The following EDEM3 variants were observed in gnomAD, a reference collection of about 807,000 sequenced individuals.
EDEM3 encodes the protein ER degradation enhancing alpha-mannosidase like protein 3.
Under a neutral mutation model 110.2 loss-of-function variants are expected in EDEM3, and 60 were observed. The observed-to-expected ratio is 0.54, with a 90% CI of 0.44 to 0.67. EDEM3 has a LOEUF of 0.67. Among genes scored for constraint, EDEM3 ranks in the 30% least tolerant of loss-of-function variants. The pLI is 0.00. For missense variants in EDEM3, 996 were observed against 1,121.0 expected (o/e 0.89, Z 1.59); for synonymous variants, 352 against 382.9 (o/e 0.92, Z 0.94).
chr1:184,727,430 A>AACATAAAAC (rs928592081), intron 6 of EDEM3, among the ~76,000 whole-genome samples: 14 of 152,330 alleles, frequency 9.2e-5, no homozygotes, highest in Non-Finnish European at 1.8e-4. Flanking sequence ...AAAAAAATCA[A>AACATAAAAC]ACATAAAACA....
intron 9 of EDEM3, 146 bp from the exon 10 acceptor site, chr1:184,719,714 T>A: frequency 1.2e-6 from 1 of 815,616 alleles, no homozygotes; most frequent in Non-Finnish European, 1.8e-6. Context: ...ATATTTAAGT[T>A]ATTTTAGATG....
intron 2 of EDEM3, among the ~76,000 whole-genome samples, chr1:184,744,192 G>T (rs559607967): frequency 8.6e-4 from 124 of 144,226 alleles, no homozygotes; most frequent in Non-Finnish European, 1.5e-3. Flanking sequence ...TTTGATAAGG[G>T]ACTAATATCC....
intron 8 of EDEM3, among the ~76,000 whole-genome samples, chr1:184,723,333 A>C (rs1651003129): frequency 6.6e-6 from 1 of 152,026 alleles, no homozygotes; most frequent in African/African-American, 2.4e-5. Context: ...GTTTCCCAAG[A>C]TCACATAGCT....
chr1:184,754,380 G>T, intron 1 of EDEM3, 109 bp downstream of exon 1: 1 of 1,516,934 alleles, frequency 6.6e-7, no homozygotes, highest in Non-Finnish European at 8.9e-7. Context: ...GGGAAGAGCC[G>T]TTCCAATCGC....
At chr1:184,702,357 C>A (rs1396903139) in intron 19 of EDEM3, among the ~76,000 whole-genome samples, 1 of 152,174 alleles carries the variant, frequency 6.6e-6, no homozygotes, top group Non-Finnish European at 1.5e-5. Flanking sequence ...CTATTGCCTT[C>A]ACCAAGACAG....
chr1:184,694,365 C>T lies in EDEM3; in HGVS notation c.2497G>A (p.Glu833Lys), dbSNP rs1461302070. Residue 833 changes from glutamate to lysine, a missense_variant, in exon 20 of 20, where the codon GAG becomes AAG. Coordinates refer to ENST00000318130, the MANE Select transcript of EDEM3 (RefSeq NM_025191.4). The stretch of plus-strand genomic sequence containing the variant: ...TTTAGAGAATTTTCCTCAGAAGACT[C>T]TTGATCAACCAAATCAACCTCCTGA... ...SSQEVDLVDQ[E>K]SSEENSLNSH... 1 of 1,612,640 alleles carries T rather than the reference C, an allele frequency of 6.2e-7. No homozygotes were observed. Among genetic ancestry groups the T allele is most frequent in the Admixed American group, 1.7e-5 (1 of 59,844 alleles).
chr1:184,754,063 T>A (rs1652939903), intron 1 of EDEM3, among the ~76,000 whole-genome samples: 1 of 152,234 alleles, frequency 6.6e-6, no homozygotes. Context: ...GGTGTAAACA[T>A]CATTTCCTTA....
chr1:184,752,110 TTTCTAC>T (rs1208177032), intron 1 of EDEM3, among the ~76,000 whole-genome samples: 1 of 152,232 alleles, frequency 6.6e-6, no homozygotes, highest in African/African-American at 2.4e-5. Context: ...ACTGGATTGT[TTTCTAC>T]TTCATTTTTT....
rs1442073281 is a variant in EDEM3 at position 184,691,925 on chromosome 1, G to A, written c.*2138C>T. On this transcript the variant is annotated 3_prime_UTR_variant, in exon 20 of 20. Transcript: ENST00000318130. ...CACCTCCCTCTAATGGCCAAAGGAA[G>A]AGAGTGGCAGTAAGCTGGCTTTTCC... 2 of 152,108 alleles carry A rather than the reference G, an allele frequency of 1.3e-5. No individual in the cohort carries two copies. The highest frequency in any genetic ancestry group is 2.9e-5 in the Non-Finnish European group (2 of 67,982). 9.4% of individuals were successfully genotyped at this position (152,108 alleles called of 1,614,324 possible).
Position 184,719,253 on chromosome 1 carries a change from TCAA to T in EDEM3, c.1078-11_1078-9del, listed in dbSNP as rs1650738005. The T allele has an allele frequency of 3.2e-6, 5 of 1,548,868 alleles. No individual in the cohort carries two copies. Among genetic ancestry groups the T allele is most frequent in the South Asian group, 1.2e-5 (1 of 81,472 alleles). On this transcript the variant is annotated splice_polypyrimidine_tract_variant and intron_variant, in intron 10 of 19. Transcript: ENST00000318130. ...AATATCCCCCTTTAACACCTAGAAA[TCAA>T]CAACAATAAAATTACCTAATAAAAT...
At chr1:184,724,174 C>A (rs1651066133) in intron 7 of EDEM3, among the ~76,000 whole-genome samples, 1 of 151,930 alleles carries the variant, frequency 6.6e-6, no homozygotes, top group African/African-American at 2.4e-5. Context: ...CATATTCACA[C>A]ACATGTATTA....
chr1:184,741,424 AAAAAT>A (rs1437838084), intron 2 of EDEM3, among the ~76,000 whole-genome samples: 20 of 152,042 alleles, frequency 1.3e-4, no homozygotes, highest in African/African-American at 4.3e-4. Context: ...ATAAAAAATA[AAAAAT>A]AAAATGAAAT....
intron 19 of EDEM3, chr1:184,701,393 G>C (rs1649611532): frequency 4.3e-6 from 2 of 466,042 alleles, no homozygotes; most frequent in Non-Finnish European, 6.3e-6. Context: ...ATATTATCAT[G>C]GTATCCACTG....
Position 184,737,034 on chromosome 1 carries a change from G to A in EDEM3, c.336C>T (p.Asp112=), listed in dbSNP as rs1426719743. ...KFSLTLIDSL[D]TLVVLNKTKE... ...GAAGAGTCAAACCTACCACAAGAGT[G>A]TCCAAAGAATCAATCAGTGTCAGAG... is the stretch of plus-strand genomic sequence containing the variant. Residue 112 remains aspartate, a synonymous_variant, in exon 4 of 20, where the codon GAC becomes GAT. Transcript: ENST00000318130. The A allele has an allele frequency of 6.2e-7, 1 of 1,611,860 alleles. No individual in the cohort carries two copies.
chr1:184,721,466 T>C, intron 8 of EDEM3, 80 bp from the exon 9 acceptor site: 1 of 1,001,362 alleles, frequency 1.0e-6, no homozygotes, highest in East Asian at 2.7e-5. Flanking sequence ...ACTCCTTAGA[T>C]TAGCATTAAA....
At chr1:184,749,323 T>C (rs111980041) in intron 2 of EDEM3, among the ~76,000 whole-genome samples, 2,981 of 152,296 alleles carry the variant, frequency 0.02, 39 homozygotes, top group Non-Finnish European at 0.028. Flanking sequence ...CCAAGGAAGC[T>C]GTTTAAATAA....
At position 184,719,433 on chromosome 1, in the gene EDEM3, T is replaced by A. The variant is rs560968111; in HGVS notation, c.1077+10A>T. ...TTACATTCATATTAAGAAGACAGAA[T>A]TCTTTATACCTGCAAGCCTGGGAAG... is the stretch of plus-strand genomic sequence containing the variant. On this transcript the variant is annotated intron_variant, in intron 10 of 19. Transcript: ENST00000318130. The A allele has an allele frequency of 1.4e-5, 23 of 1,605,990 alleles. No homozygotes were observed. The South Asian group carries it at 2.0e-4, about 14-fold the overall frequency.
In EDEM3 at chr1:184,692,230, C is replaced by T. The variant is rs914070673; in HGVS notation, c.*1833G>A. 1 of 152,052 alleles carries T rather than the reference C, an allele frequency of 6.6e-6. No individual in the cohort carries two copies. The highest frequency in any genetic ancestry group is 2.4e-5 in the African/African-American group (1 of 41,430). 9.4% of individuals were successfully genotyped at this position (152,052 alleles called of 1,614,324 possible). ...AAATGAACAAAGCACTATATCTATC[C>T]TTCCATATACTGTATATATTATAGT... is the stretch of plus-strand genomic sequence containing the variant. On this transcript the variant is annotated 3_prime_UTR_variant, in exon 20 of 20. Transcript: ENST00000318130.
intron 6 of EDEM3, among the ~76,000 whole-genome samples, chr1:184,731,033 T>C (rs13374495): frequency 0.023 from 3,495 of 152,252 alleles, 136 homozygotes; most frequent in African/African-American, 0.079. Flanking sequence ...AAAAGAGCCA[T>C]ACAATTTTTG....
Sources: gnomAD v4.1 joint callset for allele counts (sites outside exome capture counted in the v4.1 genomes callset) on GRCh38, gnomAD v4.1.1 for gene constraint, MANE v1.5 for transcripts, NCBI Gene and HGNC (gene_info 2026-07-23, HGNC 2026-07-21) for gene names.